Variants in FSIP1 observed in about 807,000 individuals in gnomAD.
The protein encoded by FSIP1 is fibrous sheath interacting protein 1.
Under a neutral mutation model 60.9 loss-of-function variants are expected in FSIP1, and 65 were observed. That is an observed-to-expected ratio of 1.07 (90% confidence interval 0.87 to 1.31). FSIP1 has a LOEUF of 1.31. Ranked by LOEUF, FSIP1 falls within the 40% of genes most tolerant of loss-of-function variation. FSIP1 has a pLI of 0.00. For synonymous variants in FSIP1, 209 were observed against 221.2 expected, an observed-to-expected ratio of 0.94 and a Z score of 0.49; for missense variants, 675 against 665.5, an observed-to-expected ratio of 1.01 and a Z score of -0.16.
At chr15:39,647,125 T>C (rs1047928954) in intron 10 of FSIP1, among the ~76,000 whole-genome samples, 2 of 152,142 alleles carry the variant, frequency 1.3e-5, no homozygotes, top group Non-Finnish European at 2.9e-5. Context: ...TGGGGAGATA[T>C]ACATAAAAGG....
intron 5 of FSIP1, among the ~76,000 whole-genome samples, chr15:39,744,305 T>C (rs1896910909): frequency 6.6e-6 from 1 of 152,178 alleles, no homozygotes; most frequent in African/African-American, 2.4e-5. Flanking sequence ...AAAATCTCCC[T>C]TTAGAGATCA....
intron 10 of FSIP1, among the ~76,000 whole-genome samples, chr15:39,698,108 G>T (rs1894895737): frequency 6.6e-6 from 1 of 151,144 alleles, no homozygotes. Flanking sequence ...GACCTTGAAA[G>T]GTGGCTGAGT....
intron 10 of FSIP1, among the ~76,000 whole-genome samples, chr15:39,638,322 G>T (rs1481632273): frequency 6.6e-6 from 1 of 152,194 alleles, no homozygotes; most frequent in Admixed American, 6.5e-5. Flanking sequence ...CCTCCAAAAA[G>T]TGCAACTAAG....
chr15:39,677,385 C>T (rs192891732), intron 10 of FSIP1, among the ~76,000 whole-genome samples: 27 of 152,064 alleles, frequency 1.8e-4, no homozygotes, highest in Admixed American at 7.2e-4. Flanking sequence ...GTCCTCCCAA[C>T]TGGGCTGTGA....
At chr15:39,624,359 TC>T (rs1891554899) in intron 10 of FSIP1, among the ~76,000 whole-genome samples, 1 of 152,216 alleles carries the variant, frequency 6.6e-6, no homozygotes, top group Non-Finnish European at 1.5e-5. Flanking sequence ...ATCTGGGTAC[TC>T]ACTGAAGAGT....
chr15:39,736,912 G>C (rs1459637396), intron 8 of FSIP1, among the ~76,000 whole-genome samples: 3 of 152,134 alleles, frequency 2.0e-5, no homozygotes, highest in African/African-American at 7.2e-5. Context: ...AAGGGGCCTA[G>C]GGTGGGGAGG....
At chr15:39,678,083 C>T (rs933713329) in intron 10 of FSIP1, among the ~76,000 whole-genome samples, 1 of 150,998 alleles carries the variant, frequency 6.6e-6, no homozygotes, top group Non-Finnish European at 1.5e-5. Flanking sequence ...ATATTTAATA[C>T]ATATATACAC....
At chr15:39,661,251 A>C (rs1015059854) in intron 10 of FSIP1, among the ~76,000 whole-genome samples, 1 of 152,140 alleles carries the variant, frequency 6.6e-6, no homozygotes, top group African/African-American at 2.4e-5. Context: ...AACAAACTCT[A>C]TTTCAATATA....
intron 10 of FSIP1, among the ~76,000 whole-genome samples, chr15:39,625,498 G>A (rs1447352555): frequency 6.6e-6 from 1 of 152,154 alleles, no homozygotes; most frequent in African/African-American, 2.4e-5. Context: ...CAGGGTGACT[G>A]GTGAAAATGG....
At chr15:39,698,038 TCA>T (rs1894890663) in intron 10 of FSIP1, among the ~76,000 whole-genome samples, 2 of 151,826 alleles carry the variant, frequency 1.3e-5, no homozygotes, top group Non-Finnish European at 2.9e-5. Context: ...GCTACATAAA[TCA>T]CCTTTTTCTA....
rs929238289 is a variant in FSIP1 at position 39,617,825 on chromosome 15, A to G, written c.1609T>C (p.Phe537Leu). 3.8e-5 allele frequency: 62 copies of G among 1,613,532 alleles called. No individual in the cohort carries two copies. The highest frequency in any genetic ancestry group is 5.2e-5 in the Non-Finnish European group (61 of 1,179,992). The change falls in exon 11 of 12, where the codon TTC becomes CTC. Residue 537 changes from phenylalanine (F) to leucine (L), a missense_variant. Transcript: ENST00000350221. The part of the protein sequence containing the change: ...LGIGRLKRPS[F>L]LDDPLYGISV... Reference sequence around the variant, plus strand: ...ATACCATACAGTGGATCATCTAAGAAGGAGGGCCTTTTCAGTCTCCCAATG... The same window carrying G: ...ATACCATACAGTGGATCATCTAAGAGGGAGGGCCTTTTCAGTCTCCCAATG...
chr15:39,608,047 G>T (rs1049673793), intron 11 of FSIP1, among the ~76,000 whole-genome samples: 4 of 152,166 alleles, frequency 2.6e-5, no homozygotes, highest in African/African-American at 9.7e-5. Context: ...GAATAAAATT[G>T]ATCAGCAAGC....
chr15:39,621,639 C>T (rs542018755), intron 10 of FSIP1, among the ~76,000 whole-genome samples: 1 of 152,318 alleles, frequency 6.6e-6, no homozygotes, highest in Admixed American at 6.5e-5. Context: ...AACTTTTCTA[C>T]TCACTTTAGA....
intron 10 of FSIP1, among the ~76,000 whole-genome samples, chr15:39,685,175 G>C (rs1894315287): frequency 6.6e-6 from 1 of 152,170 alleles, no homozygotes; most frequent in Non-Finnish European, 1.5e-5. Context: ...AAAGTTTTTA[G>C]TTAAAGTTTG....
intron 3 of FSIP1, among the ~76,000 whole-genome samples, chr15:39,767,741 A>G (rs1897741500): frequency 6.6e-6 from 1 of 152,192 alleles, no homozygotes; most frequent in Non-Finnish European, 1.5e-5. Flanking sequence ...AGGCAGTCAG[A>G]GGACAGTTCA....
At chr15:39,645,837 G>A (rs188975012) in intron 10 of FSIP1, among the ~76,000 whole-genome samples, 21 of 152,356 alleles carry the variant, frequency 1.4e-4, no homozygotes, top group Non-Finnish European at 2.4e-4. Context: ...GGTTGGGGCC[G>A]AGCCCCAGGG....
intron 10 of FSIP1, among the ~76,000 whole-genome samples, chr15:39,653,083 G>A (rs900402959): frequency 1.3e-5 from 2 of 150,734 alleles, no homozygotes; most frequent in Non-Finnish European, 2.9e-5. Flanking sequence ...GGCTGAGGTG[G>A]AAGGATGTCT....
At chr15:39,780,173 C>T (rs746788909) in intron 1 of FSIP1, among the ~76,000 whole-genome samples, 9 of 152,180 alleles carry the variant, frequency 5.9e-5, no homozygotes, top group Non-Finnish European at 8.8e-5. Context: ...GACTCCTCCC[C>T]AACGCAGACA....
At chr15:39,691,046 A>C (rs1415093955) in intron 10 of FSIP1, among the ~76,000 whole-genome samples, 2 of 152,236 alleles carry the variant, frequency 1.3e-5, no homozygotes, top group Non-Finnish European at 2.9e-5. Flanking sequence ...CCTTTCCTCC[A>C]GGAAGTTCCT....
Sources: allele counts gnomAD v4.1 joint callset (sites outside exome capture counted in the v4.1 genomes callset), GRCh38; gene constraint gnomAD v4.1.1; transcripts MANE v1.5; gene names NCBI Gene and HGNC (gene_info 2026-07-23, HGNC 2026-07-21).